Variants in RIN2 observed in about 807,000 individuals in gnomAD.
RIN2 encodes the protein Ras and Rab interactor 2.
Under a neutral mutation model 78.0 loss-of-function variants are expected in RIN2, and 36 were observed. The ratio of observed to expected loss-of-function variants is 0.46; its 90% CI spans 0.35 to 0.61. The LOEUF is 0.61. RIN2 is among the 20% of genes least tolerant of loss of function. The pLI is 0.00. For synonymous variants in RIN2, 466 were observed against 466.8 expected (o/e 1.00, Z 0.02); for missense variants, 1,087 against 1,159.7 (o/e 0.94, Z 0.91).
At chr20:19,763,855 G>A (rs921911774) in intron 1 of RIN2, among the ~76,000 whole-genome samples, 2 of 152,176 alleles carry the variant, frequency 1.3e-5, no homozygotes, top group African/African-American at 2.4e-5. Flanking sequence ...TTTAAAAGAC[G>A]TTGCTGGACT....
intron 3 of RIN2, among the ~76,000 whole-genome samples, chr20:19,932,701 A>AGGT (rs774768575): frequency 6.6e-6 from 1 of 152,232 alleles, no homozygotes; most frequent in Non-Finnish European, 1.5e-5. Context: ...CTCTCCTTAG[A>AGGT]TAATCTCTCC....
At chr20:19,877,945 G>A (rs2037908125) in intron 2 of RIN2, among the ~76,000 whole-genome samples, 2 of 152,128 alleles carry the variant, frequency 1.3e-5, no homozygotes, top group African/African-American at 4.8e-5. Flanking sequence ...ACTTGAGCCT[G>A]GGAGGTTGAG....
At chr20:19,957,832 C>G (rs1416286547) in intron 5 of RIN2, among the ~76,000 whole-genome samples, 5 of 152,206 alleles carry the variant, frequency 3.3e-5, no homozygotes, top group Non-Finnish European at 7.3e-5. Flanking sequence ...TCTCTGGCCT[C>G]GGCTGGCTGC....
intron 9 of RIN2, among the ~76,000 whole-genome samples, chr20:19,980,044 C>CAATAA (rs2042396588): frequency 1.4e-5 from 1 of 72,704 alleles, no homozygotes; most frequent in Non-Finnish European, 2.6e-5. Flanking sequence ...AACTCCATCT[C>CAATAA]AAAAAAAAAA....
chr20:19,830,671 A>T (rs374490075), intron 2 of RIN2, among the ~76,000 whole-genome samples: 1 of 152,252 alleles, frequency 6.6e-6, no homozygotes, highest in African/African-American at 2.4e-5. Flanking sequence ...ATGCAGTATC[A>T]TTAGCATGGT....
chr20:19,850,372 T>C (rs1276851755), intron 2 of RIN2, among the ~76,000 whole-genome samples: 2 of 152,134 alleles, frequency 1.3e-5, no homozygotes, highest in Non-Finnish European at 2.9e-5. Context: ...TCCCTGACAG[T>C]AATCATCTGT....
At chr20:19,775,456 T>TA (rs138246112) in intron 1 of RIN2, among the ~76,000 whole-genome samples, 1 of 152,270 alleles carries the variant, frequency 6.6e-6, no homozygotes, top group Non-Finnish European at 1.5e-5. Context: ...CTGGTGGAGG[T>TA]ATGCCTACCC....
chr20:19,797,906 G>A (rs1368784244), intron 1 of RIN2, among the ~76,000 whole-genome samples: 1 of 141,366 alleles, frequency 7.1e-6, no homozygotes, highest in Non-Finnish European at 1.5e-5. Context: ...CTGTTGCCCA[G>A]GTTGGCGGTG....
chr20:19,924,190 C>CTCCCA (rs146441577), intron 3 of RIN2, among the ~76,000 whole-genome samples: 1 of 53,902 alleles, frequency 1.9e-5, no homozygotes, highest in Non-Finnish European at 3.1e-5. Context: ...CACCTTCATA[C>CTCCCA]CCCACCTTCA....
intron 3 of RIN2, among the ~76,000 whole-genome samples, chr20:19,901,969 T>G (rs1417820449): frequency 7.5e-6 from 1 of 133,832 alleles, no homozygotes; most frequent in Non-Finnish European, 1.5e-5. Context: ...TGAGCCAAGA[T>G]GGCACCACTG....
Position 19,971,735 on chromosome 20 carries a change from A to ATTTTTTTTTTTTT in RIN2, c.628+818_628+830dup, listed in dbSNP as rs61019165. 1.3e-3 allele frequency among the ~76,000 whole-genome samples: 117 copies of ATTTTTTTTTTTTT among 91,528 alleles called. 5 individuals carry two copies. Among genetic ancestry groups the ATTTTTTTTTTTTT allele is most frequent in the Admixed American group, 2.6e-3 (19 of 7,394 alleles). 60.0% of individuals were successfully genotyped at this position (91,528 alleles called of 152,430 possible). On this transcript the variant is annotated intron_variant, in intron 8 of 12. Coordinates refer to ENST00000255006, the MANE Select transcript of RIN2 (RefSeq NM_018993.4). ...TGAATTCCCTTCTGCTGAAACTGCA[A>ATTTTTTTTTTTTT]TTTTTTTTTTTTTTTTTTTTTTTTG...
intron 2 of RIN2, among the ~76,000 whole-genome samples, chr20:19,866,355 G>T (rs2037505877): frequency 6.6e-6 from 1 of 152,126 alleles, no homozygotes; most frequent in Non-Finnish European, 1.5e-5. Context: ...AGTCTTGGGG[G>T]GTGGGGGACC....
In RIN2 at chr20:19,812,776, G is replaced by A. The variant is rs367844170; in HGVS notation, c.-37+13029G>A. On this transcript the variant is annotated intron_variant, in intron 2 of 12. Transcript: ENST00000255006. ...AGCAAGATCAGACTTTCAATCTTTT[G>A]TTAAAAATAGTCATTGTCTGGTAAT... 4.6e-5 allele frequency among the ~76,000 whole-genome samples: 7 copies of A among 152,146 alleles called. No homozygotes were observed. The East Asian group carries it at 9.6e-4, about 21-fold the overall frequency.
Position 19,842,387 on chromosome 20 carries a change from C to CTTTTTTTTTT in RIN2, c.-37+42657_-37+42666dup, listed in dbSNP as rs139642869. Among the ~76,000 whole-genome samples the CTTTTTTTTTT allele has an allele frequency of 8.9e-4, 41 of 46,190 alleles. 3 individuals are homozygous for CTTTTTTTTTT. The highest frequency in any genetic ancestry group is 1.1e-3 in the Non-Finnish European group (27 of 24,846). 30.3% of individuals were successfully genotyped at this position (46,190 alleles called of 152,430 possible). A position where few individuals can be genotyped will look rare whatever the true frequency, so the allele number is the denominator to read the frequency against. On this transcript the variant is annotated intron_variant, in intron 2 of 12. Transcript: ENST00000255006. ...TACAGGCACTCACCACCATCCCTGG[C>CTTTTTTTTTT]TTTTTTTTTTTTTTTTTTTTTTTTT...
In RIN2 at chr20:19,988,819, T is replaced by A. The variant is rs151127135; in HGVS notation, c.1763-1187T>A. 3.2e-3 allele frequency among the ~76,000 whole-genome samples: 489 copies of A among 152,234 alleles called. 2 individuals carry two copies. The highest frequency in any genetic ancestry group is 0.011 in the African/African-American group (464 of 41,520). On this transcript the variant is annotated intron_variant, in intron 9 of 12. Coordinates refer to ENST00000255006, the MANE Select transcript of RIN2 (RefSeq NM_018993.4). ...GATTTCCAGGAAAGTTGCAAAAATA[T>A]CATAAAGAAATATCTACCCTTCACT... is the stretch of plus-strand genomic sequence containing the variant.
At chr20:19,957,464 GC>G (rs1176046652) in intron 5 of RIN2, among the ~76,000 whole-genome samples, 1 of 152,046 alleles carries the variant, frequency 6.6e-6, no homozygotes, top group Non-Finnish European at 1.5e-5. Flanking sequence ...ATCACTTGAG[GC>G]CAGGATTTCT....
At chr20:19,861,498 G>A (rs533206333) in intron 2 of RIN2, among the ~76,000 whole-genome samples, 2 of 151,976 alleles carry the variant, frequency 1.3e-5, no homozygotes, top group African/African-American at 2.4e-5. Flanking sequence ...CCCTGCCCTC[G>A]ATATCTGATC....
chr20:19,848,420 C>A (rs1330056424), intron 2 of RIN2, among the ~76,000 whole-genome samples: 4 of 151,608 alleles, frequency 2.6e-5, no homozygotes, highest in African/African-American at 9.7e-5. Flanking sequence ...CCTGTAATCC[C>A]AGCTACTTGG....
chr20:19,969,333 G>A (rs546162094), intron 7 of RIN2, among the ~76,000 whole-genome samples: 25 of 152,198 alleles, frequency 1.6e-4, no homozygotes, highest in Admixed American at 2.6e-4. Context: ...CCTTCCAGCC[G>A]CAGTGGTCTC....
Sources: allele counts gnomAD v4.1 joint callset (sites outside exome capture counted in the v4.1 genomes callset), GRCh38; gene constraint gnomAD v4.1.1; transcripts MANE v1.5; gene names NCBI Gene and HGNC (gene_info 2026-07-23, HGNC 2026-07-21).